Variants in MTOR observed in about 807,000 individuals in gnomAD.
The protein encoded by MTOR is serine/threonine-protein kinase mTOR.
In MTOR, 70 loss-of-function variants were observed where a neutral mutation model predicts 319.8. That is an observed-to-expected ratio of 0.22 (90% CI 0.18 to 0.27). The LOEUF (loss-of-function observed/expected upper bound fraction) is 0.27, where lower values mean the gene tolerates loss of function less well. MTOR is among the 10% of genes least tolerant of loss of function. MTOR has a pLI of 1.00. For synonymous variants in MTOR, 1,183 were observed against 1,211.4 expected, an observed-to-expected ratio of 0.98 and a Z score of 0.49; for missense variants, 1,890 against 3,274.4, an observed-to-expected ratio of 0.58 and a Z score of 10.32.
At chr1:11,110,549 A>G (rs557850008) in intron 54 of MTOR, among the ~76,000 whole-genome samples, 3 of 152,104 alleles carry the variant, frequency 2.0e-5, no homozygotes, top group Admixed American at 1.3e-4. Flanking sequence ...GGCATGCGCT[A>G]CCATGCCTGG....
At chr1:11,163,944 T>G (rs1487631790) in intron 29 of MTOR, among the ~76,000 whole-genome samples, 1 of 151,966 alleles carries the variant, frequency 6.6e-6, no homozygotes, top group Non-Finnish European at 1.5e-5. Flanking sequence ...AGAGCAGAAC[T>G]GAAGGAGACA....
In MTOR at chr1:11,126,746, C is replaced by T. The variant is rs2100397396; in HGVS notation, c.6402G>A (p.Arg2134=). Residue 2134 remains arginine (R), a synonymous_variant, in exon 46 of 58, where the codon CGG becomes CGA. Transcript: ENST00000361445. ...QYVSPKLLMC[R]DLELAVPGTY... The stretch of plus-strand genomic sequence containing the variant: ...TTCCTGGCACAGCCAATTCAAGGTC[C>T]CGGCACATCAGAAGTTTTGGGGAAA... 6.2e-7 allele frequency: 1 copy of T among 1,614,014 alleles called. No individual in the cohort carries two copies. The highest frequency in any genetic ancestry group is 8.5e-7 in the Non-Finnish European group (1 of 1,180,010).
intron 49 of MTOR, among the ~76,000 whole-genome samples, chr1:11,119,190 G>T (rs1642359854): frequency 6.6e-6 from 1 of 151,718 alleles, no homozygotes; most frequent in Non-Finnish European, 1.5e-5. Flanking sequence ...CAGCACTTTG[G>T]GAGGCTGAGA....
intron 23 of MTOR, among the ~76,000 whole-genome samples, chr1:11,211,265 C>A (rs1015560084): frequency 6.6e-6 from 1 of 152,230 alleles, no homozygotes; most frequent in Non-Finnish European, 1.5e-5. Context: ...AAAGTACTTA[C>A]AATGGCCCAC....
Position 11,256,076 on chromosome 1 carries a change from C to T in MTOR, c.621G>A (p.Glu207=), listed in dbSNP as rs1276292452. The T allele has an allele frequency of 6.2e-7, 1 of 1,614,168 alleles. No homozygotes were observed. Among genetic ancestry groups the T allele is most frequent in the Admixed American group, 1.7e-5 (1 of 60,026 alleles). Residue 207 remains glutamate (E), a synonymous_variant, in exon 5 of 58, where the codon GAG becomes GAA. Coordinates refer to ENST00000361445, the MANE Select transcript of MTOR (RefSeq NM_004958.4). ...AGGCACGAAGGGCGGCTACAGCTCC[C>T]TCACGGATGGCCTGTTTGGGGTCCC... The part of the protein sequence containing the change: ...AVWDPKQAIR[E]GAVAALRACL...
chr1:11,255,145 G>A (rs1314760517), intron 5 of MTOR, among the ~76,000 whole-genome samples: 1 of 152,076 alleles, frequency 6.6e-6, no homozygotes, highest in Non-Finnish European at 1.5e-5. Flanking sequence ...AGCACTTTGG[G>A]AGGTCAAGGC....
intron 25 of MTOR, among the ~76,000 whole-genome samples, chr1:11,205,584 C>G (rs921564255): frequency 3.9e-5 from 6 of 152,184 alleles, no homozygotes; most frequent in African/African-American, 1.4e-4. Flanking sequence ...GGGATCCTGG[C>G]TCTTCCACTC....
chr1:11,252,109 G>A (rs939339776), intron 6 of MTOR, among the ~76,000 whole-genome samples: 1 of 152,032 alleles, frequency 6.6e-6, no homozygotes, highest in East Asian at 1.9e-4. Flanking sequence ...AAGTCCCTCC[G>A]ATAAAGTAGC....
rs369729717 is a variant in MTOR, at chr1:11,174,980, T to C, written c.4254-7463A>G. Among the ~76,000 whole-genome samples the C allele has an allele frequency of 1.2e-4, 18 of 152,288 alleles. No homozygotes were observed. The South Asian group carries it at 2.1e-3, about 18-fold the overall frequency. ...CTGAGGCTTGTCAGCAACGTGCCTATAACAGTGTGCAGAAATGACAGGTCA... is the reference window on the plus strand; with the variant it reads ...CTGAGGCTTGTCAGCAACGTGCCTACAACAGTGTGCAGAAATGACAGGTCA... On this transcript the variant is annotated intron_variant, in intron 28 of 57. Transcript: ENST00000361445.
At chr1:11,261,884 C>A (rs947925617) in intron 1 of MTOR, among the ~76,000 whole-genome samples, 4 of 152,080 alleles carry the variant, frequency 2.6e-5, no homozygotes, top group Non-Finnish European at 5.9e-5. Context: ...GCCATCTGCT[C>A]CAGACTGAAT....
At chr1:11,232,395 A>G (rs1647048389) in intron 16 of MTOR, 41 bp downstream of exon 16, 2 of 1,499,938 alleles carry the variant, frequency 1.3e-6, no homozygotes, top group East Asian at 4.5e-5. Context: ...CCCTGGACTC[A>G]TGGGGTCTGT....
chr1:11,164,468 T>C (rs1271616694), intron 29 of MTOR, among the ~76,000 whole-genome samples: 1 of 150,688 alleles, frequency 6.6e-6, no homozygotes, highest in African/African-American at 2.4e-5. Flanking sequence ...TATAAACACC[T>C]CAACACAAAT....
intron 46 of MTOR, among the ~76,000 whole-genome samples, chr1:11,125,645 G>C (rs764166061): frequency 6.6e-6 from 1 of 150,840 alleles, no homozygotes. Context: ...CACGAGAATC[G>C]CTTGAACTCA....
At chr1:11,227,433 C>G (rs1281028529) in intron 19 of MTOR, among the ~76,000 whole-genome samples, 1 of 151,938 alleles carries the variant, frequency 6.6e-6, no homozygotes. Context: ...GCTATCTCCT[C>G]TAAATGTACA....
intron 1 of MTOR, among the ~76,000 whole-genome samples, chr1:11,260,619 A>C (rs533933051): frequency 3.3e-5 from 5 of 152,138 alleles, no homozygotes; most frequent in Admixed American, 2.0e-4. Flanking sequence ...ATATTTTAAA[A>C]GGTAAAAAGA....
intron 11 of MTOR, among the ~76,000 whole-genome samples, 194 bp from the exon 12 acceptor site, chr1:11,238,811 G>A (rs1647564380): frequency 1.3e-5 from 2 of 149,162 alleles, no homozygotes; most frequent in Admixed American, 6.7e-5. Flanking sequence ...CGCCCAGGCT[G>A]GAGTGCAGTG....
chr1:11,257,436 G>A (rs1406750191), intron 3 of MTOR, among the ~76,000 whole-genome samples: 4 of 149,046 alleles, frequency 2.7e-5, no homozygotes, highest in Middle Eastern at 3.4e-3. Flanking sequence ...GGTGGCACAC[G>A]CCTGTAATCC....
chr1:11,223,763 G>A (rs1264734288), intron 19 of MTOR, among the ~76,000 whole-genome samples: 2 of 152,112 alleles, frequency 1.3e-5, no homozygotes, highest in Admixed American at 6.6e-5. Flanking sequence ...AACATGGCCA[G>A]GTGCAGTGGT....
At chr1:11,257,566 G>T (rs1239418976) in intron 3 of MTOR, among the ~76,000 whole-genome samples, 11 of 64,836 alleles carry the variant, frequency 1.7e-4, no homozygotes, top group South Asian at 7.1e-4. Context: ...CTGTCTCAGA[G>T]AAAAAAAAAA....
Sources: allele counts gnomAD v4.1 joint callset (sites outside exome capture counted in the v4.1 genomes callset), GRCh38; gene constraint gnomAD v4.1.1; transcripts MANE v1.5; gene names NCBI Gene and HGNC (gene_info 2026-07-23, HGNC 2026-07-21).